ADCY2: variants seen among roughly 807,000 people sequenced by gnomAD.
ADCY2 encodes the protein adenylate cyclase type 2.
In ADCY2, 31 loss-of-function variants were observed where a neutral mutation model predicts 125.2. That is an observed-to-expected ratio of 0.25 (90% CI 0.19 to 0.33). The LOEUF is 0.33. Ranked by LOEUF, ADCY2 falls within the 10% of genes least tolerant of loss-of-function variation. ADCY2 has a pLI of 1.00. For missense variants in ADCY2, 904 were observed against 1,418.2 expected (o/e 0.64, Z 5.82); for synonymous variants, 512 against 548.4 (o/e 0.93, Z 0.93).
At chr5:7,453,817 G>A (rs1254642013) in intron 2 of ADCY2, among the ~76,000 whole-genome samples, 1 of 151,940 alleles carries the variant, frequency 6.6e-6, no homozygotes, top group African/African-American at 2.4e-5. Flanking sequence ...GTGTTTACCG[G>A]AGTTGTACTC....
chr5:7,787,716 C>T (rs548396257), intron 19 of ADCY2, among the ~76,000 whole-genome samples: 3 of 152,038 alleles, frequency 2.0e-5, no homozygotes, highest in Non-Finnish European at 4.4e-5. Context: ...ATAGATTTGG[C>T]AAAATGTCAT....
In ADCY2 at chr5:7,733,703, C is replaced by T. The variant is rs1742170813; in HGVS notation, c.1871+6442C>T. On this transcript the variant is annotated intron_variant, in intron 14 of 24. Coordinates refer to ENST00000338316, the MANE Select transcript of ADCY2 (RefSeq NM_020546.3). ...ACCCACACCTATGTAGTATTTAAAT[C>T]CAAGAGATGGGATAAGCTCCCCCAA... Among the ~76,000 whole-genome samples, 2 of 152,212 alleles carry T rather than the reference C, an allele frequency of 1.3e-5. 1 individual carries two copies. The highest frequency in any genetic ancestry group is 6.8e-3 in the Middle Eastern group (2 of 294).
rs1743601574 is a variant in ADCY2, at chr5:7,773,015, G to A, written c.2298G>A (p.Met766Ile). Residue 766 changes from methionine to isoleucine, a missense_variant, in exon 18 of 25, where the codon ATG (methionine) becomes ATA (isoleucine). Coordinates refer to ENST00000338316, the MANE Select transcript of ADCY2 (RefSeq NM_020546.3). ...ACTATGAGCTGAAGATGTTGATCAT[G>A]ATGGTGGCCTTGGTGGGCTACAACA... ...RVNYELKMLIMMVALVGYNTI... is the reference protein window; with the variant it reads ...RVNYELKMLIIMVALVGYNTI... 3.1e-6 allele frequency: 5 copies of A among 1,614,182 alleles called. No homozygotes were observed. The highest frequency in any genetic ancestry group is 4.2e-6 in the Non-Finnish European group (5 of 1,180,024).
At chr5:7,725,634 T>G (rs1259525176) in intron 13 of ADCY2, among the ~76,000 whole-genome samples, 3 of 152,228 alleles carry the variant, frequency 2.0e-5, no homozygotes, top group African/African-American at 7.2e-5. Flanking sequence ...ATTGCTTAGC[T>G]GCTACATTAT....
intron 22 of ADCY2, among the ~76,000 whole-genome samples, chr5:7,811,283 A>G (rs2126531607): frequency 6.6e-6 from 1 of 152,244 alleles, no homozygotes; most frequent in South Asian, 2.1e-4. Context: ...CGGGTGGATC[A>G]TGAGGTCAGG....
intron 5 of ADCY2, among the ~76,000 whole-genome samples, chr5:7,693,944 C>A (rs1160146262): frequency 6.6e-6 from 1 of 152,186 alleles, no homozygotes; most frequent in Non-Finnish European, 1.5e-5. Flanking sequence ...GAGCGAGCAT[C>A]GTTCATCCTT....
At chr5:7,611,010 A>G (rs1051787195) in intron 3 of ADCY2, 2 of 152,184 alleles carry the variant, frequency 1.3e-5, no homozygotes, top group Admixed American at 1.3e-4. Flanking sequence ...TGCTATAGAA[A>G]TCCTTGAGGT....
At chr5:7,718,693 C>T (rs1741669787) in intron 12 of ADCY2, among the ~76,000 whole-genome samples, 1 of 152,134 alleles carries the variant, frequency 6.6e-6, no homozygotes. Context: ...CTTCCCGTCA[C>T]AGAGTGTCCA....
In ADCY2 at chr5:7,670,648, A is replaced by G. The variant is rs186955823; in HGVS notation, c.721-20043A>G. On this transcript the variant is annotated intron_variant, in intron 4 of 24. Coordinates refer to ENST00000338316, the MANE Select transcript of ADCY2 (RefSeq NM_020546.3). ...GTTTTGTAGAAGACAATTTTTCCAC[A>G]GATCAGGGGAGAGGATGGTTTTGGG... 9.7e-4 allele frequency among the ~76,000 whole-genome samples: 148 copies of G among 152,338 alleles called. 2 individuals carry two copies. In the South Asian group the frequency reaches 0.011, roughly 11 times the overall value.
chr5:7,470,114 C>T (rs1304213590), intron 2 of ADCY2, among the ~76,000 whole-genome samples: 1 of 150,816 alleles, frequency 6.6e-6, no homozygotes, highest in Admixed American at 6.7e-5. Flanking sequence ...GATAAGTCTT[C>T]ATTGACTTTC....
chr5:7,827,179 G>A lies in ADCY2; in HGVS notation c.*308G>A, dbSNP rs528137634. The A allele has an allele frequency of 1.1e-3, 312 of 286,240 alleles. 3 individuals carry two copies. Among genetic ancestry groups the A allele is most frequent in the African/African-American group, 6.5e-3 (300 of 45,966 alleles). The allele number at this position is 286,240 out of a possible 1,614,324, so 17.7% of individuals were successfully genotyped here. A position where few individuals can be genotyped will look rare whatever the true frequency, so the allele number is the denominator to read the frequency against. The stretch of plus-strand genomic sequence containing the variant: ...ACACATTCTTAAGGCAATAAAACTA[G>A]GGGGTGTATATTATCTTCTGGTGCA... On this transcript the variant is annotated 3_prime_UTR_variant, in exon 25 of 25. Transcript: ENST00000338316.
chr5:7,485,200 C>G (rs940407107), intron 2 of ADCY2, among the ~76,000 whole-genome samples: 2 of 152,076 alleles, frequency 1.3e-5, no homozygotes, highest in Non-Finnish European at 2.9e-5. Flanking sequence ...TATGGCTATG[C>G]AGACATTTAA....
At chr5:7,479,858 C>G (rs1450547717) in intron 2 of ADCY2, among the ~76,000 whole-genome samples, 1 of 152,088 alleles carries the variant, frequency 6.6e-6, no homozygotes, top group Non-Finnish European at 1.5e-5. Flanking sequence ...GTTAGTGTTT[C>G]TGTTCCTGGC....
chr5:7,822,414 A>G lies in ADCY2; in HGVS notation c.3123+1725A>G, dbSNP rs1745329177. On this transcript the variant is annotated intron_variant, in intron 24 of 24. Transcript: ENST00000338316. ...AGAAGCTATCCTGAAGCTTGCTATC[A>G]TAATGACAAAATGACACGCCAGTGT... Among the ~76,000 whole-genome samples the G allele has an allele frequency of 2.0e-5, 3 of 152,256 alleles. No homozygotes were observed. The South Asian group carries it at 6.2e-4, about 32-fold the overall frequency.
chr5:7,622,587 C>G (rs1175446653), intron 3 of ADCY2, among the ~76,000 whole-genome samples: 2 of 152,192 alleles, frequency 1.3e-5, no homozygotes, highest in Non-Finnish European at 2.9e-5. Flanking sequence ...GAATGAATGA[C>G]TCCAAGAAGG....
intron 2 of ADCY2, among the ~76,000 whole-genome samples, chr5:7,458,434 C>T (rs1024841611): frequency 6.6e-5 from 10 of 152,122 alleles, no homozygotes; most frequent in Non-Finnish European, 1.0e-4. Flanking sequence ...AAATCATGAT[C>T]AGATATATTT....
At position 7,772,950 on chromosome 5, in the gene ADCY2, A is replaced by T; in HGVS notation, c.2233A>T (p.Ile745Phe). ...GTTTCAGTACTTTATCTACAGCTGC[A>T]TTCTGGGACTGATATCCTGTTCCGT... ...FFLPYFIYSC[I>F]LGLISCSVFL... Residue 745 changes from isoleucine to phenylalanine, a missense_variant, in exon 18 of 25, where the codon ATT (isoleucine) becomes TTT (phenylalanine). Physicochemically the swap from Ile to Phe is conservative, Grantham distance 21 (BLOSUM62 0). Coordinates refer to ENST00000338316, the MANE Select transcript of ADCY2 (RefSeq NM_020546.3). 1 of 1,614,112 alleles carries T rather than the reference A, an allele frequency of 6.2e-7. No individual in the cohort carries two copies. The highest frequency in any genetic ancestry group is 8.5e-7 in the Non-Finnish European group (1 of 1,180,018).
intron 21 of ADCY2, among the ~76,000 whole-genome samples, chr5:7,803,917 T>TA (rs1186294622): frequency 0.015 from 2,261 of 148,448 alleles, 63 homozygotes; most frequent in African/African-American, 0.053. Context: ...TATATATATA[T>TA]TTTTATATAT....
At chr5:7,452,478 C>T (rs1190287011) in intron 2 of ADCY2, among the ~76,000 whole-genome samples, 1 of 152,124 alleles carries the variant, frequency 6.6e-6, no homozygotes, top group Non-Finnish European at 1.5e-5. Flanking sequence ...GTATGTATAT[C>T]ACATTTTCTT....
Sources: allele counts gnomAD v4.1 joint callset (sites outside exome capture counted in the v4.1 genomes callset), GRCh38; gene constraint gnomAD v4.1.1; transcripts MANE v1.5; gene names NCBI Gene and HGNC (gene_info 2026-07-23, HGNC 2026-07-21).